KCNS2: variants seen among roughly 807,000 people sequenced by gnomAD.
KCNS2 encodes delayed-rectifier potassium channel regulatory subunit KCNS2.
In KCNS2, 15 loss-of-function variants were observed where a neutral mutation model predicts 28.3. The observed-to-expected ratio is 0.53, with a 90% confidence interval of 0.35 to 0.82. KCNS2 has a LOEUF of 0.82. Among genes scored for constraint, KCNS2 ranks in the 40% least tolerant of loss-of-function variants. The pLI is 0.01. For synonymous variants in KCNS2, 254 were observed against 256.7 expected (o/e 0.99, Z 0.10); for missense variants, 501 against 617.1 (o/e 0.81, Z 1.99).
chr8:98,429,280 A>T lies in KCNS2; in HGVS notation c.1301A>T (p.Asp434Val). The change falls in exon 2 of 2, where the codon GAT becomes GTT. Residue 434 changes from aspartate to valine, a missense_variant. Physicochemically the swap from Asp to Val is radical, Grantham distance 152. Coordinates refer to ENST00000287042, the MANE Select transcript of KCNS2 (RefSeq NM_020697.4). ...ESAMRSCDFG[D>V]GMKEVPSVNL... is the part of the protein sequence containing the mutation. Reference sequence around the variant, plus strand: ...GCCATGCGCAGCTGTGACTTTGGAGATGGAATGAAGGAGGTCCCTTCGGTC... The same window carrying T: ...GCCATGCGCAGCTGTGACTTTGGAGTTGGAATGAAGGAGGTCCCTTCGGTC... The T allele has an allele frequency of 6.2e-7, 1 of 1,614,084 alleles. No homozygotes were observed. Among genetic ancestry groups the T allele is most frequent in the Non-Finnish European group, 8.5e-7 (1 of 1,180,030 alleles).
rs1818247860 is a variant in KCNS2, at chr8:98,427,170, C to G, written c.-202C>G. 1 of 150,274 alleles carries G rather than the reference C, an allele frequency of 6.7e-6. No homozygotes were observed. The highest frequency in any genetic ancestry group is 1.5e-5 in the Non-Finnish European group (1 of 67,268). 9.3% of individuals were successfully genotyped at this position (150,274 alleles called of 1,614,324 possible). A position where few individuals can be genotyped will look rare whatever the true frequency, so the allele number is the denominator to read the frequency against. ...CGGCGGCGGCGTACCCGGCCCGAGA[C>G]GGGAGGAGACGCTCGGCGGCCCCCG... On this transcript the variant is annotated 5_prime_UTR_variant, in exon 1 of 2. Coordinates refer to ENST00000287042, the MANE Select transcript of KCNS2 (RefSeq NM_020697.4).
At position 98,428,912 on chromosome 8, in the gene KCNS2, C is replaced by A. The variant is rs759771726; in HGVS notation, c.933C>A (p.His311Gln). The A allele has an allele frequency of 6.2e-7, 1 of 1,614,200 alleles. No individual in the cohort carries two copies. Among genetic ancestry groups the A allele is most frequent in the Non-Finnish European group, 8.5e-7 (1 of 1,180,038 alleles). ...RIFRILKLAR[H>Q]STGLRSLGAT... is the part of the protein sequence containing the mutation. ...TCCGCATCTTAAAGCTGGCCAGGCA[C>A]TCCACTGGCCTCCGCTCCCTGGGGG... Residue 311 changes from histidine to glutamine, a missense_variant, in exon 2 of 2, where the codon CAC becomes CAA. By Grantham distance (24) the His-to-Gln change is conservative. Transcript: ENST00000287042. This position sits in a 1 kb window ranked among gnomAD's most constrained non-coding sequence, Gnocchi z 6.7.
rs1333005998 is a variant in KCNS2, at chr8:98,429,317, C to G, written c.1338C>G (p.Asp446Glu). ...AGGTCCCTTCGGTCAATTTAAGGGACTATTATGCCCATAAAGTTAAATCCC... is the reference window on the plus strand; with the variant it reads ...AGGTCCCTTCGGTCAATTTAAGGGAGTATTATGCCCATAAAGTTAAATCCC... ...MKEVPSVNLR[D>E]YYAHKVKSLM... Residue 446 changes from aspartate (D) to glutamate (E), a missense_variant, in exon 2 of 2, where the codon GAC becomes GAG. Transcript: ENST00000287042. 6 of 1,613,972 alleles carry G rather than the reference C, an allele frequency of 3.7e-6. No individual in the cohort carries two copies. The African/African-American group carries it at 8.0e-5, about 22-fold the overall frequency.
Position 98,427,343 on chromosome 8 carries a change from G to T in KCNS2, c.-43+14G>T, listed in dbSNP as rs1818251081. On this transcript the variant is annotated intron_variant, in intron 1 of 1. Coordinates refer to ENST00000287042, the MANE Select transcript of KCNS2 (RefSeq NM_020697.4). ...CCGTGCTCCCAGGTAAGCGCTTCCAGAACGCGCAGGGCGAGCCCGGGCAGC... is the reference window on the plus strand; with the variant it reads ...CCGTGCTCCCAGGTAAGCGCTTCCATAACGCGCAGGGCGAGCCCGGGCAGC... 1 of 151,788 alleles carries T rather than the reference G, an allele frequency of 6.6e-6. No homozygotes were observed. Among genetic ancestry groups the T allele is most frequent in the South Asian group, 2.1e-4 (1 of 4,824 alleles). 9.4% of individuals were successfully genotyped at this position (151,788 alleles called of 1,614,324 possible). A position where few individuals can be genotyped will look rare whatever the true frequency, so the allele number is the denominator to read the frequency against.
Position 98,431,517 on chromosome 8 carries a change from G to C in KCNS2, c.*2104G>C, listed in dbSNP as rs1818330185. On this transcript the variant is annotated 3_prime_UTR_variant, in exon 2 of 2. Coordinates refer to ENST00000287042, the MANE Select transcript of KCNS2 (RefSeq NM_020697.4). ...CGGACTCATCCCCAGCTGCACTGAA[G>C]GCAGGTGGTGGTACAGACTTATGAG... 1 of 167,116 alleles carries C rather than the reference G, an allele frequency of 6.0e-6. No homozygotes were observed. The highest frequency in any genetic ancestry group is 6.5e-5 in the Admixed American group (1 of 15,286). 10.4% of individuals were successfully genotyped at this position (167,116 alleles called of 1,614,324 possible). A position where few individuals can be genotyped will look rare whatever the true frequency, so the allele number is the denominator to read the frequency against.
rs1287773385 is a variant in KCNS2, at chr8:98,430,563, A to C, written c.*1150A>C. ...AGTCAGATAATTTTGCTTCTAGGAT[A>C]TAGTATGTTGTATATGATGCTGTGA... is the stretch of plus-strand genomic sequence containing the variant. On this transcript the variant is annotated 3_prime_UTR_variant, in exon 2 of 2. Coordinates refer to ENST00000287042, the MANE Select transcript of KCNS2 (RefSeq NM_020697.4). 6.0e-6 allele frequency: 1 copy of C among 167,042 alleles called. No individual in the cohort carries two copies. Among genetic ancestry groups the C allele is most frequent in the Non-Finnish European group, 1.5e-5 (1 of 68,120 alleles). 10.3% of individuals were successfully genotyped at this position (167,042 alleles called of 1,614,324 possible). A position where few individuals can be genotyped will look rare whatever the true frequency, so the allele number is the denominator to read the frequency against.
At position 98,432,580 on chromosome 8, in the gene KCNS2, T is replaced by G. The variant is rs1818352154; in HGVS notation, c.*3167T>G. The G allele has an allele frequency of 6.0e-6, 1 of 167,142 alleles. No homozygotes were observed. The highest frequency in any genetic ancestry group is 1.5e-5 in the Non-Finnish European group (1 of 68,132). 10.4% of individuals were successfully genotyped at this position (167,142 alleles called of 1,614,324 possible). ...GTATTTAACATTTGCATTTGTTATT[T>G]CTACTTATCTTAGCACTCAAATAAT... On this transcript the variant is annotated 3_prime_UTR_variant, in exon 2 of 2. Transcript: ENST00000287042.
chr8:98,431,294 T>C lies in KCNS2; in HGVS notation c.*1881T>C, dbSNP rs995887783. On this transcript the variant is annotated 3_prime_UTR_variant, in exon 2 of 2. Transcript: ENST00000287042. The stretch of plus-strand genomic sequence containing the variant: ...GGAGCCCCCAGTTCAAATCTTTCCA[T>C]TGGACTGGAGGCTTGTGGGAGGCTG... The C allele has an allele frequency of 3.0e-5, 5 of 167,094 alleles. No homozygotes were observed. Among genetic ancestry groups the C allele is most frequent in the African/African-American group, 1.2e-4 (5 of 41,452 alleles). The allele number at this position is 167,094 out of a possible 1,614,324, so 10.4% of individuals were successfully genotyped here.
At position 98,429,085 on chromosome 8, in the gene KCNS2, C is replaced by T; in HGVS notation, c.1106C>T (p.Thr369Ile). The change falls in exon 2 of 2, where the codon ACC becomes ATC. Residue 369 changes from threonine (T) to isoleucine (I), a missense_variant. Thr to Ile is a moderately conservative substitution (Grantham distance 89). Transcript: ENST00000287042. ...ATIPACWWWA[T>I]VSMTTVGYGD... The stretch of plus-strand genomic sequence containing the variant: ...ATCCCTGCCTGCTGGTGGTGGGCTA[C>T]CGTCAGTATGACCACAGTGGGGTAC... The T allele has an allele frequency of 6.2e-7, 1 of 1,613,334 alleles. No homozygotes were observed. Among genetic ancestry groups the T allele is most frequent in the Non-Finnish European group, 8.5e-7 (1 of 1,179,368 alleles).
rs778135373 is a variant in KCNS2, at chr8:98,431,161, T to A, written c.*1748T>A. ...TTGATTGAAGATGATACTTACCTCA[T>A]TGGAGGTGTGGCAAGGATCTTATCA... On this transcript the variant is annotated 3_prime_UTR_variant, in exon 2 of 2. Coordinates refer to ENST00000287042, the MANE Select transcript of KCNS2 (RefSeq NM_020697.4). The A allele has an allele frequency of 6.0e-6, 1 of 167,110 alleles. No homozygotes were observed. The highest frequency in any genetic ancestry group is 1.5e-5 in the Non-Finnish European group (1 of 68,132). 10.4% of individuals were successfully genotyped at this position (167,110 alleles called of 1,614,324 possible). A position where few individuals can be genotyped will look rare whatever the true frequency, so the allele number is the denominator to read the frequency against.
chr8:98,429,662 A>G lies in KCNS2; in HGVS notation c.*249A>G, dbSNP rs930113522. Reference sequence around the variant, plus strand: ...CTGGTCTTTGCATCGTGGGCATAAAATGTTCACCTTTTTGCCAGATGAGTA... The same window carrying G: ...CTGGTCTTTGCATCGTGGGCATAAAGTGTTCACCTTTTTGCCAGATGAGTA... On this transcript the variant is annotated 3_prime_UTR_variant, in exon 2 of 2. Coordinates refer to ENST00000287042, the MANE Select transcript of KCNS2 (RefSeq NM_020697.4). 2.9e-5 allele frequency: 14 copies of G among 490,426 alleles called. No individual in the cohort carries two copies. Among genetic ancestry groups the G allele is most frequent in the African/African-American group, 2.1e-4 (11 of 52,072 alleles). 30.4% of individuals were successfully genotyped at this position (490,426 alleles called of 1,614,324 possible).
chr8:98,428,070 C>A lies in KCNS2; in HGVS notation c.91C>A (p.Arg31Ser), dbSNP rs943624688. 8.1e-6 allele frequency: 13 copies of A among 1,613,220 alleles called. No individual in the cohort carries two copies. The highest frequency in any genetic ancestry group is 5.0e-5 in the Admixed American group (3 of 59,950). The stretch of plus-strand genomic sequence containing the variant: ...TGTGGGCGGCTTCAAGAGGAGGCTG[C>A]GCTCGCACACGCTGCTGCGCTTCCC... ...INVGGFKRRL[R>S]SHTLLRFPET... is the part of the protein sequence containing the mutation. Residue 31 changes from arginine to serine, a missense_variant, in exon 2 of 2, where the codon CGC (arginine) becomes AGC (serine). By Grantham distance (110) the Arg-to-Ser change is moderately radical (BLOSUM62 -1). Coordinates refer to ENST00000287042, the MANE Select transcript of KCNS2 (RefSeq NM_020697.4). This position sits in a 1 kb window ranked among gnomAD's most constrained non-coding sequence, Gnocchi z 6.7.
In KCNS2 at chr8:98,429,009, T is replaced by C. The variant is rs139025562; in HGVS notation, c.1030T>C (p.Ser344Pro). The C allele has an allele frequency of 6.2e-7, 1 of 1,613,922 alleles. No individual in the cohort carries two copies. Among genetic ancestry groups the C allele is most frequent in the Non-Finnish European group, 8.5e-7 (1 of 1,179,992 alleles). Residue 344 changes from serine (S) to proline (P), a missense_variant, in exon 2 of 2, where the codon TCC becomes CCC. By Grantham distance (74) the Ser-to-Pro change is moderately conservative. Transcript: ENST00000287042. ...LYLSVGISIF[S>P]VVAYTIEKEE... Reference sequence around the variant, plus strand: ...CCTCTCCGTGGGGATTTCCATCTTCTCCGTGGTGGCCTACACCATTGAAAA... The same window carrying C: ...CCTCTCCGTGGGGATTTCCATCTTCCCCGTGGTGGCCTACACCATTGAAAA...
chr8:98,429,331 A>C lies in KCNS2; in HGVS notation c.1352A>C (p.Lys451Thr). The change falls in exon 2 of 2, where the codon AAA (lysine) becomes ACA (threonine). Residue 451 changes from lysine (K) to threonine (T), a missense_variant. Coordinates refer to ENST00000287042, the MANE Select transcript of KCNS2 (RefSeq NM_020697.4). Reference protein sequence around the residue: ...SVNLRDYYAHKVKSLMASLTN... With the variant: ...SVNLRDYYAHTVKSLMASLTN... The stretch of plus-strand genomic sequence containing the variant: ...AATTTAAGGGACTATTATGCCCATA[A>C]AGTTAAATCCCTTATGGCAAGCCTG... 1.2e-6 allele frequency: 2 copies of C among 1,614,150 alleles called. No individual in the cohort carries two copies. Among genetic ancestry groups the C allele is most frequent in the Non-Finnish European group, 1.7e-6 (2 of 1,180,014 alleles).
Position 98,428,537 on chromosome 8 carries a change from C to G in KCNS2, c.558C>G (p.Ser186Arg). ...ACAACCCCGGCTACTCAGTGCTGAGCAGGGTCTTCAGCATCCTGTCCATCC... is the reference window on the plus strand; with the variant it reads ...ACAACCCCGGCTACTCAGTGCTGAGGAGGGTCTTCAGCATCCTGTCCATCC... ...ALDNPGYSVL[S>R]RVFSILSILV... Residue 186 changes from serine (S) to arginine (R), a missense_variant, in exon 2 of 2, where the codon AGC (serine) becomes AGG (arginine). By Grantham distance (110) the Ser-to-Arg change is moderately radical (BLOSUM62 -1). Coordinates refer to ENST00000287042, the MANE Select transcript of KCNS2 (RefSeq NM_020697.4). This position sits in a 1 kb window ranked among gnomAD's most constrained non-coding sequence, Gnocchi z 6.7. The G allele has an allele frequency of 6.2e-7, 1 of 1,614,172 alleles. No individual in the cohort carries two copies. The highest frequency in any genetic ancestry group is 8.5e-7 in the Non-Finnish European group (1 of 1,180,034).
At position 98,432,026 on chromosome 8, in the gene KCNS2, A is replaced by G. The variant is rs966142445; in HGVS notation, c.*2613A>G. On this transcript the variant is annotated 3_prime_UTR_variant, in exon 2 of 2. Coordinates refer to ENST00000287042, the MANE Select transcript of KCNS2 (RefSeq NM_020697.4). ...AATTCCCACAAGGAATGTAGACTGA[A>G]TGGTGACCCAGGGAGAAATAATCTT... 1.2e-5 allele frequency: 2 copies of G among 167,086 alleles called. No individual in the cohort carries two copies. The highest frequency in any genetic ancestry group is 4.8e-5 in the African/African-American group (2 of 41,450). The allele number at this position is 167,086 out of a possible 1,614,324, so 10.4% of individuals were successfully genotyped here.
chr8:98,432,698 A>G lies in KCNS2; in HGVS notation c.*3285A>G, dbSNP rs542980377. On this transcript the variant is annotated 3_prime_UTR_variant, in exon 2 of 2. Transcript: ENST00000287042. ...GATCTGTACAGGCTGTGTGTTAGCT[A>G]CTTGAAGGCGTAACTGGTATTTCTT... The G allele has an allele frequency of 6.0e-6, 1 of 167,212 alleles. No individual in the cohort carries two copies. Among genetic ancestry groups the G allele is most frequent in the Admixed American group, 6.5e-5 (1 of 15,312 alleles). The allele number at this position is 167,212 out of a possible 1,614,324, so 10.4% of individuals were successfully genotyped here.
chr8:98,428,926 G>A lies in KCNS2; in HGVS notation c.947G>A (p.Arg316His). The change falls in exon 2 of 2, where the codon CGC (arginine) becomes CAC (histidine). Residue 316 changes from arginine (R) to histidine (H), a missense_variant. Arg to His is a conservative substitution (Grantham distance 29). Coordinates refer to ENST00000287042, the MANE Select transcript of KCNS2 (RefSeq NM_020697.4). The surrounding 1 kb of genome is among the most constrained non-coding windows in gnomAD (Gnocchi z 6.7). ...CTGGCCAGGCACTCCACTGGCCTCC[G>A]CTCCCTGGGGGCCACTTTGAAATAC... ...LKLARHSTGLRSLGATLKYSY... is the reference protein window; with the variant it reads ...LKLARHSTGLHSLGATLKYSY... 2 of 1,614,048 alleles carry A rather than the reference G, an allele frequency of 1.2e-6. No individual in the cohort carries two copies. Among genetic ancestry groups the A allele is most frequent in the East Asian group, 2.2e-5 (1 of 44,874 alleles).
chr8:98,427,639 C>T (rs1818256790), intron 1 of KCNS2: 1 of 192,478 alleles, frequency 5.2e-6, no homozygotes, highest in Admixed American at 5.6e-5. Flanking sequence ...GGGGCGTCTC[C>T]CGGGCCTGCC....
Sources: gnomAD v4.1 joint callset for allele counts on GRCh38, gnomAD v4.1.1 for gene constraint, Gnocchi (gnomAD v3.1) non-coding constraint, MANE v1.5 for transcripts, NCBI Gene and HGNC (gene_info 2026-07-23, HGNC 2026-07-21) for gene names.